The following MGAT4C variants were observed in gnomAD, a reference collection of about 807,000 sequenced individuals.
MGAT4C encodes the protein alpha-1,3-mannosyl-glycoprotein 4-beta-N-acetylglucosaminyltransferase C.
A neutral mutation model predicts 40.1 loss-of-function variants in MGAT4C; 19 were observed. The ratio of observed to expected loss-of-function variants is 0.47; its 90% CI spans 0.33 to 0.70. The LOEUF is 0.70. MGAT4C is among the 30% of genes least tolerant of loss of function. MGAT4C has a pLI of 0.02. For missense variants in MGAT4C, 491 were observed against 563.2 expected, an observed-to-expected ratio of 0.87 and a Z score of 1.30; for synonymous variants, 181 against 187.1, an observed-to-expected ratio of 0.97 and a Z score of 0.27.
At chr12:86,610,907 C>T (rs563789604) in intron 2 of MGAT4C, among the ~76,000 whole-genome samples, 59 of 152,190 alleles carry the variant, frequency 3.9e-4, no homozygotes, top group African/African-American at 1.4e-3. Flanking sequence ...AGAAAGAATG[C>T]AGAGCCTCAG....
intron 1 of MGAT4C, among the ~76,000 whole-genome samples, chr12:86,732,229 T>A (rs1950922448): frequency 6.6e-6 from 1 of 152,164 alleles, no homozygotes; most frequent in South Asian, 2.1e-4. Context: ...TTACTTTCTA[T>A]TTAGTTCATC....
intron 1 of MGAT4C, among the ~76,000 whole-genome samples, chr12:86,836,546 G>C (rs1953039795): frequency 1.3e-5 from 2 of 152,056 alleles, no homozygotes; most frequent in Non-Finnish European, 2.9e-5. Context: ...GGCAAAGTAA[G>C]TTTTAGTACT....
intron 1 of MGAT4C, among the ~76,000 whole-genome samples, chr12:86,822,297 G>C (rs560557125): frequency 1.3e-5 from 2 of 151,032 alleles, no homozygotes; most frequent in African/African-American, 4.8e-5. Flanking sequence ...AGAAACAAAA[G>C]GACTGCAAGA....
At chr12:86,153,951 C>T (rs534177287) in intron 1 of MGAT4C, among the ~76,000 whole-genome samples, 13 of 152,032 alleles carry the variant, frequency 8.6e-5, no homozygotes, top group African/African-American at 3.1e-4. Context: ...TAACTTTATA[C>T]CAAAAAATAG....
At chr12:86,730,796 A>G (rs1950895724) in intron 1 of MGAT4C, among the ~76,000 whole-genome samples, 1 of 152,142 alleles carries the variant, frequency 6.6e-6, no homozygotes, top group Admixed American at 6.5e-5. Flanking sequence ...CAGAATCTAA[A>G]TTAAGGATTA....
intron 2 of MGAT4C, among the ~76,000 whole-genome samples, chr12:86,718,526 T>C (rs1182928950): frequency 6.6e-6 from 1 of 152,152 alleles, no homozygotes; most frequent in Non-Finnish European, 1.5e-5. Flanking sequence ...CAGTAGAGGC[T>C]GCATGGACAT....
chr12:86,714,629 A>G (rs780447195), intron 2 of MGAT4C, among the ~76,000 whole-genome samples: 1 of 152,056 alleles, frequency 6.6e-6, no homozygotes, highest in African/African-American at 2.4e-5. Flanking sequence ...TTCCACCATG[A>G]CTGTGAGGCC....
intron 2 of MGAT4C, among the ~76,000 whole-genome samples, chr12:85,996,346 C>T (rs769689448): frequency 4.6e-5 from 7 of 152,044 alleles, no homozygotes; most frequent in Non-Finnish European, 8.8e-5. Context: ...TGCAAATACA[C>T]TGGCTAGTAG....
chr12:86,300,715 TCCC>T (rs143068896), intron 4 of MGAT4C, among the ~76,000 whole-genome samples: 13,282 of 151,904 alleles, frequency 0.087, 741 homozygotes, highest in Middle Eastern at 0.22. Context: ...TAGCAAAAGA[TCCC>T]CCCTCCTCAT....
chr12:86,603,764 GTATAATTATATATA>G (rs1961929050), intron 2 of MGAT4C, among the ~76,000 whole-genome samples: 1 of 114,142 alleles, frequency 8.8e-6, no homozygotes, highest in Admixed American at 1.2e-4. Context: ...ATAATATATA[GTATAATTATATATA>G]CTATATAATA....
chr12:86,023,611 C>CAT (rs35076825), intron 2 of MGAT4C, among the ~76,000 whole-genome samples: 61,750 of 147,708 alleles, frequency 0.42, 13,444 homozygotes, highest in Middle Eastern at 0.49. Flanking sequence ...CTTACGTAAT[C>CAT]ATATGTTTAT....
At chr12:86,691,935 T>C (rs1457135275) in intron 2 of MGAT4C, among the ~76,000 whole-genome samples, 2 of 152,150 alleles carry the variant, frequency 1.3e-5, no homozygotes, top group Non-Finnish European at 1.5e-5. Flanking sequence ...TATATACAGA[T>C]AATTATGTGA....
intron 4 of MGAT4C, among the ~76,000 whole-genome samples, chr12:86,308,314 G>A (rs1322559773): frequency 2.0e-5 from 3 of 150,424 alleles, no homozygotes; most frequent in Non-Finnish European, 4.4e-5. Flanking sequence ...CTGTTAGAGA[G>A]AAAAATACAA....
intron 1 of MGAT4C, among the ~76,000 whole-genome samples, chr12:86,122,534 T>C (rs990156601): frequency 2.6e-5 from 4 of 152,188 alleles, no homozygotes; most frequent in Middle Eastern, 3.2e-3. Flanking sequence ...AGGTAATTAA[T>C]CTATAACATC....
At chr12:86,236,671 C>T (rs1027211492) in intron 1 of MGAT4C, among the ~76,000 whole-genome samples, 7 of 151,864 alleles carry the variant, frequency 4.6e-5, no homozygotes, top group African/African-American at 1.4e-4. Flanking sequence ...AAACAGTGAA[C>T]AGGTAGTTCT....
At chr12:86,004,443 T>C (rs1485198464) in intron 2 of MGAT4C, among the ~76,000 whole-genome samples, 1 of 152,188 alleles carries the variant, frequency 6.6e-6, no homozygotes, top group Non-Finnish European at 1.5e-5. Context: ...TATATGTTAA[T>C]TTCCATTTTA....
At chr12:86,465,793 T>C (rs1272584241) in intron 2 of MGAT4C, among the ~76,000 whole-genome samples, 2 of 152,188 alleles carry the variant, frequency 1.3e-5, no homozygotes, top group African/African-American at 4.8e-5. Flanking sequence ...AATGCAAAAT[T>C]GTACAGCATT....
At chr12:86,074,838 C>T (rs571699364) in intron 1 of MGAT4C, among the ~76,000 whole-genome samples, 5 of 152,178 alleles carry the variant, frequency 3.3e-5, no homozygotes, top group African/African-American at 1.2e-4. Flanking sequence ...TTATTTACTA[C>T]CATGAAAACA....
intron 2 of MGAT4C, among the ~76,000 whole-genome samples, chr12:86,662,340 T>C (rs187895835): frequency 6.6e-6 from 1 of 152,262 alleles, no homozygotes; most frequent in African/African-American, 2.4e-5. Context: ...TGGCATGGCT[T>C]GGGGTGAAAA....
Sources: allele counts gnomAD v4.1 joint callset (sites outside exome capture counted in the v4.1 genomes callset), GRCh38; gene constraint gnomAD v4.1.1; transcripts MANE v1.5; gene names NCBI Gene and HGNC (gene_info 2026-07-23, HGNC 2026-07-21).